The following PIK3C2B variants were observed in gnomAD, a reference collection of about 807,000 sequenced individuals.
PIK3C2B encodes phosphatidylinositol-4-phosphate 3-kinase catalytic subunit type 2 beta.
A neutral mutation model predicts 184.3 loss-of-function variants in PIK3C2B; 83 were observed. The ratio of observed to expected loss-of-function variants is 0.45; its 90% CI spans 0.38 to 0.54. The LOEUF (loss-of-function observed/expected upper bound fraction) is 0.54, where lower values mean the gene tolerates loss of function less well. Ranked by LOEUF, PIK3C2B falls within the 20% of genes least tolerant of loss-of-function variation. The probability of loss-of-function intolerance (pLI) is 0.00; values close to 1 mark genes in which losing one functional copy is unlikely to be tolerated. For synonymous variants in PIK3C2B, 779 were observed against 837.6 expected (o/e 0.93, Z 1.21); for missense variants, 1,736 against 2,113.5 (o/e 0.82, Z 3.50).
chr1:204,457,472 T>C (rs1055654792), intron 9 of PIK3C2B, among the ~76,000 whole-genome samples: 1 of 152,178 alleles, frequency 6.6e-6, no homozygotes, highest in African/African-American at 2.4e-5. Flanking sequence ...TTGGTGACTG[T>C]GAATAAAGCC....
chr1:204,485,570 T>C (rs1657517879), intron 1 of PIK3C2B, among the ~76,000 whole-genome samples: 1 of 138,796 alleles, frequency 7.2e-6, no homozygotes, highest in African/African-American at 2.6e-5. Context: ...GATCATGTCA[T>C]TCTTCCTTTT....
intron 1 of PIK3C2B, among the ~76,000 whole-genome samples, chr1:204,475,460 G>C (rs184527215): frequency 2.8e-4 from 42 of 152,300 alleles, no homozygotes; most frequent in Non-Finnish European, 4.9e-4. Flanking sequence ...GCTTGAACTG[G>C]AATGTCAGGG....
chr1:204,439,949 T>G (rs1309973306), intron 22 of PIK3C2B, among the ~76,000 whole-genome samples: 1 of 152,108 alleles, frequency 6.6e-6, no homozygotes, highest in Non-Finnish European at 1.5e-5. Flanking sequence ...TCCTTACAAT[T>G]GGTTTGTTTT....
At position 204,429,968 on chromosome 1, in the gene PIK3C2B, T is replaced by G. The variant is rs913846893; in HGVS notation, c.4351A>C (p.Asn1451His). The change falls in exon 29 of 33, where the codon AAC becomes CAC. Residue 1451 changes from asparagine to histidine, a missense_variant. By Grantham distance (68) the Asn-to-His change is moderately conservative. Coordinates refer to ENST00000684373, the MANE Select transcript of PIK3C2B (RefSeq NM_001377334.1). ...AVAERRREELNGYIWHLIHAP... is the reference protein window; with the variant it reads ...AVAERRREELHGYIWHLIHAP... ...TGGATCAAGTGCCAGATGTAACCGT[T>G]TAGCTCCTCCCTCCGCCGCTCGGCC... The G allele has an allele frequency of 3.1e-6, 5 of 1,612,704 alleles. No homozygotes were observed. The highest frequency in any genetic ancestry group is 4.2e-6 in the Non-Finnish European group (5 of 1,179,946).
At chr1:204,435,769 C>T (rs1675308962) in intron 23 of PIK3C2B, 2 of 152,184 alleles carry the variant, frequency 1.3e-5, no homozygotes, top group Admixed American at 6.5e-5. Context: ...AATGCACCCA[C>T]CCAGCTACTT....
At chr1:204,429,569 C>G (rs921057898) in intron 29 of PIK3C2B, among the ~76,000 whole-genome samples, 2 of 152,120 alleles carry the variant, frequency 1.3e-5, no homozygotes, top group Non-Finnish European at 2.9e-5. Context: ...CATTATACTA[C>G]TATTTGTTTA....
At chr1:204,490,740 A>G (rs977485801) in intron 1 of PIK3C2B, among the ~76,000 whole-genome samples, 1 of 152,036 alleles carries the variant, frequency 6.6e-6, no homozygotes, top group Admixed American at 6.6e-5. Flanking sequence ...TCTAGGCAAC[A>G]TAGTGAAATC....
intron 19 of PIK3C2B, 110 bp downstream of exon 19, chr1:204,443,307 C>A (rs1572313371): frequency 1.8e-6 from 2 of 1,113,062 alleles, no homozygotes; most frequent in East Asian, 5.1e-5. Flanking sequence ...GCTCCCCGCT[C>A]CAAAATCAAA....
intron 1 of PIK3C2B, among the ~76,000 whole-genome samples, chr1:204,476,404 G>T (rs1656712683): frequency 2.0e-5 from 3 of 152,058 alleles, no homozygotes; most frequent in Non-Finnish European, 4.4e-5. Context: ...AAATTAGCTG[G>T]GTGTGGTGGC....
intron 26 of PIK3C2B, among the ~76,000 whole-genome samples, chr1:204,432,851 G>T (rs1185904994): frequency 1.3e-5 from 2 of 152,002 alleles, no homozygotes; most frequent in African/African-American, 4.8e-5. Context: ...TATCTACAGG[G>T]ACCACATTTT....
intron 8 of PIK3C2B, 137 bp downstream of exon 8, chr1:204,459,741 T>C: frequency 1.4e-6 from 1 of 720,978 alleles, no homozygotes; most frequent in South Asian, 1.6e-5. Flanking sequence ...GAGCGAGGGG[T>C]TAAAAAGAAG....
chr1:204,458,283 C>A (rs1328728736), intron 8 of PIK3C2B, among the ~76,000 whole-genome samples: 1 of 152,170 alleles, frequency 6.6e-6, no homozygotes, highest in Admixed American at 6.5e-5. Flanking sequence ...AATTCCCTCA[C>A]CTGTCCAGCT....
intron 29 of PIK3C2B, chr1:204,428,846 T>A: frequency 2.3e-6 from 1 of 439,214 alleles, no homozygotes; most frequent in Admixed American, 2.6e-5. Flanking sequence ...ATGTTAAGTG[T>A]TTAGGTGATG....
intron 1 of PIK3C2B, among the ~76,000 whole-genome samples, chr1:204,480,622 G>A (rs934837180): frequency 1.3e-5 from 2 of 151,990 alleles, no homozygotes; most frequent in African/African-American, 4.8e-5. Flanking sequence ...TGTCTGTGGG[G>A]AGGATGGGGG....
At chr1:204,473,736 T>C (rs1244561204) in intron 1 of PIK3C2B, among the ~76,000 whole-genome samples, 2 of 152,232 alleles carry the variant, frequency 1.3e-5, no homozygotes, top group African/African-American at 4.8e-5. Context: ...CACTTATGCA[T>C]ACTTGCACTC....
Position 204,433,651 on chromosome 1 carries a change from G to T in PIK3C2B, c.3843+142C>A. The T allele has an allele frequency of 1.2e-6, 1 of 855,182 alleles. No homozygotes were observed. Among genetic ancestry groups the T allele is most frequent in the Non-Finnish European group, 1.9e-6 (1 of 527,480 alleles). 53.0% of individuals were successfully genotyped at this position (855,182 alleles called of 1,614,324 possible). A position where few individuals can be genotyped will look rare whatever the true frequency, so the allele number is the denominator to read the frequency against. Reference sequence around the variant, plus strand: ...TTGTCCTCAGGTAGTCTGGGTCCCTGCCTTTATCTAGGGCAGGCAGGTATT... The same window carrying T: ...TTGTCCTCAGGTAGTCTGGGTCCCTTCCTTTATCTAGGGCAGGCAGGTATT... On this transcript the variant is annotated intron_variant, in intron 25 of 32. Coordinates refer to ENST00000684373, the MANE Select transcript of PIK3C2B (RefSeq NM_001377334.1). The surrounding 1 kb of genome is among the most constrained non-coding windows in gnomAD (Gnocchi z 5.0).
intron 1 of PIK3C2B, among the ~76,000 whole-genome samples, chr1:204,476,870 G>A (rs551889578): frequency 1.3e-5 from 2 of 152,326 alleles, no homozygotes; most frequent in Non-Finnish European, 2.9e-5. Context: ...CTCTCCTAAT[G>A]TCCACCTCTT....
chr1:204,454,102 G>A (rs916502162), intron 12 of PIK3C2B, among the ~76,000 whole-genome samples: 3 of 151,706 alleles, frequency 2.0e-5, no homozygotes, highest in African/African-American at 7.3e-5. Flanking sequence ...TGTTTTTTAT[G>A]GTTTACAAAG....
At chr1:204,463,415 G>T (rs993956106) in intron 5 of PIK3C2B, among the ~76,000 whole-genome samples, 1 of 152,146 alleles carries the variant, frequency 6.6e-6, no homozygotes, top group Non-Finnish European at 1.5e-5. Context: ...GTGGAAAGGG[G>T]GTTGCCTCAG....
Sources: gnomAD v4.1 joint callset for allele counts (sites outside exome capture counted in the v4.1 genomes callset) on GRCh38, gnomAD v4.1.1 for gene constraint, Gnocchi (gnomAD v3.1) non-coding constraint, MANE v1.5 for transcripts, NCBI Gene and HGNC (gene_info 2026-07-23, HGNC 2026-07-21) for gene names.